MTPN: variants seen among roughly 807,000 people sequenced by gnomAD.
The protein encoded by MTPN is granule cell differentiation protein.
Under a neutral mutation model 13.5 loss-of-function variants are expected in MTPN, and 2 were observed. The ratio of observed to expected loss-of-function variants is 0.15; its 90% CI spans 0.06 to 0.47. MTPN has a LOEUF of 0.47. Ranked by LOEUF, MTPN falls within the 20% of genes least tolerant of loss-of-function variation. MTPN has a pLI of 0.97. For synonymous variants in MTPN, 46 were observed against 51.7 expected (o/e 0.89, Z 0.48); for missense variants, 79 against 137.9 (o/e 0.57, Z 2.14).
At position 135,971,012 on chromosome 7, in the gene MTPN, T is replaced by C. The variant is rs137977774; in HGVS notation, c.72+6017A>G. ...AAGTAGATTGAATCAGGACCTCTTT[T>C]AAATTGGCTATTTTATTAGGAAAGT... On this transcript the variant is annotated intron_variant, in intron 1 of 3. Coordinates refer to ENST00000393085, the MANE Select transcript of MTPN (RefSeq NM_145808.4). Among the ~76,000 whole-genome samples, 70 of 152,332 alleles carry C rather than the reference T, an allele frequency of 4.6e-4. No individual in the cohort carries two copies. The East Asian group carries it at 0.013, about 27-fold the overall frequency.
chr7:135,960,070 C>T (rs1414349889), intron 1 of MTPN, among the ~76,000 whole-genome samples: 1 of 152,028 alleles, frequency 6.6e-6, no homozygotes, highest in African/African-American at 2.4e-5. Context: ...GTTTTGGGAA[C>T]TGTGGCAAGC....
chr7:135,955,948 T>C (rs771518090), intron 1 of MTPN, among the ~76,000 whole-genome samples: 3 of 152,170 alleles, frequency 2.0e-5, no homozygotes, highest in Non-Finnish European at 4.4e-5. Context: ...TCATACTTAA[T>C]TGGTGAAAGA....
intron 2 of MTPN, 90 bp from the exon 3 acceptor site, chr7:135,950,772 T>TA: frequency 5.0e-6 from 5 of 1,002,050 alleles, no homozygotes; most frequent in African/African-American, 1.6e-5. Context: ...TAGATTTACC[T>TA]ATTTGCCTTT....
At chr7:135,931,373 G>A (rs571567748) in intron 3 of MTPN, among the ~76,000 whole-genome samples, 3 of 152,264 alleles carry the variant, frequency 2.0e-5, no homozygotes, top group South Asian at 2.1e-4. Flanking sequence ...CCGGGATGAG[G>A]TAAAATGCCT....
At chr7:135,943,510 G>GT (rs1304597896) in intron 3 of MTPN, among the ~76,000 whole-genome samples, 8 of 152,124 alleles carry the variant, frequency 5.3e-5, no homozygotes, top group African/African-American at 1.9e-4. Flanking sequence ...AGACAAGATG[G>GT]TTTTTTCTAT....
In MTPN at chr7:135,928,856, G is replaced by C. The variant is rs1165336774; in HGVS notation, c.*1070C>G. ...CCTATCAACAACTCTGGGAAACCTGGTTACAAGTGTATTTTTGAAGGGATG... is the reference window on the plus strand; with the variant it reads ...CCTATCAACAACTCTGGGAAACCTGCTTACAAGTGTATTTTTGAAGGGATG... On this transcript the variant is annotated 3_prime_UTR_variant, in exon 4 of 4. Transcript: ENST00000393085. 1.2e-5 allele frequency: 2 copies of C among 167,038 alleles called. No individual in the cohort carries two copies. Among genetic ancestry groups the C allele is most frequent in the East Asian group, 3.8e-4 (2 of 5,198 alleles). The allele number at this position is 167,038 out of a possible 1,614,324, so 10.3% of individuals were successfully genotyped here. A position where few individuals can be genotyped will look rare whatever the true frequency, so the allele number is the denominator to read the frequency against.
chr7:135,930,444 T>G (rs1228234601), intron 3 of MTPN, among the ~76,000 whole-genome samples: 4 of 152,210 alleles, frequency 2.6e-5, no homozygotes, highest in Admixed American at 2.6e-4. Context: ...CATTCAGTAT[T>G]ATATACATCA....
chr7:135,975,580 TAATC>T (rs1237543569), intron 1 of MTPN, among the ~76,000 whole-genome samples: 1 of 152,220 alleles, frequency 6.6e-6, no homozygotes, highest in Non-Finnish European at 1.5e-5. Flanking sequence ...AGTTAGTACT[TAATC>T]AACTTTTTGT....
At chr7:135,963,296 C>G (rs1799552488) in intron 1 of MTPN, among the ~76,000 whole-genome samples, 1 of 151,960 alleles carries the variant, frequency 6.6e-6, no homozygotes, top group Non-Finnish European at 1.5e-5. Flanking sequence ...TACTCTCTCT[C>G]TGTCCTCCTC....
intron 1 of MTPN, among the ~76,000 whole-genome samples, chr7:135,973,461 C>T (rs1799726421): frequency 6.6e-6 from 1 of 150,484 alleles, no homozygotes; most frequent in Non-Finnish European, 1.5e-5. Context: ...AAAATGGAGA[C>T]ACAATAGGAA....
intron 1 of MTPN, among the ~76,000 whole-genome samples, chr7:135,974,980 T>C (rs947944332): frequency 5.3e-5 from 8 of 152,246 alleles, no homozygotes; most frequent in African/African-American, 1.9e-4. Context: ...TAAAGCTCAA[T>C]GCTCTGTACA....
intron 1 of MTPN, among the ~76,000 whole-genome samples, chr7:135,973,905 T>G (rs1799733281): frequency 6.6e-6 from 1 of 152,160 alleles, no homozygotes; most frequent in African/African-American, 2.4e-5. Flanking sequence ...TAAAAATGAA[T>G]GAATTAACTA....
At position 135,928,872 on chromosome 7, in the gene MTPN, T is replaced by C. The variant is rs144474092; in HGVS notation, c.*1054A>G. On this transcript the variant is annotated 3_prime_UTR_variant, in exon 4 of 4. Transcript: ENST00000393085. ...GGAAACCTGGTTACAAGTGTATTTT[T>C]GAAGGGATGGGGCTAAATTTGTCCA... 3.6e-5 allele frequency: 6 copies of C among 167,212 alleles called. No individual in the cohort carries two copies. Among genetic ancestry groups the C allele is most frequent in the African/African-American group, 9.6e-5 (4 of 41,576 alleles). The allele number at this position is 167,212 out of a possible 1,614,324, so 10.4% of individuals were successfully genotyped here.
intron 1 of MTPN, among the ~76,000 whole-genome samples, chr7:135,955,316 A>G (rs1225364485): frequency 6.6e-6 from 1 of 152,212 alleles, no homozygotes; most frequent in Non-Finnish European, 1.5e-5. Flanking sequence ...AAAGAAACAG[A>G]AAACAGAAAA....
rs372913991 is a variant in MTPN, at chr7:135,959,654, T to A, written c.73-8024A>T. On this transcript the variant is annotated intron_variant, in intron 1 of 3. Coordinates refer to ENST00000393085, the MANE Select transcript of MTPN (RefSeq NM_145808.4). ...AATATTAAATAGAACATGTCTTACA[T>A]CTAATTTCTGAAAGCAATGTTATTG... 1.1e-4 allele frequency among the ~76,000 whole-genome samples: 16 copies of A among 152,262 alleles called. No homozygotes were observed. In the South Asian group the frequency reaches 2.9e-3, roughly 28 times the overall value.
intron 3 of MTPN, among the ~76,000 whole-genome samples, chr7:135,933,736 C>T (rs1162891454): frequency 1.3e-5 from 2 of 152,142 alleles, no homozygotes; most frequent in Non-Finnish European, 2.9e-5. Context: ...TTTCCCCAGT[C>T]CCACAAACTA....
intron 1 of MTPN, among the ~76,000 whole-genome samples, chr7:135,972,010 T>A (rs967441827): frequency 3.3e-5 from 5 of 152,226 alleles, no homozygotes; most frequent in African/African-American, 1.2e-4. Context: ...CAGAGATGTT[T>A]GTCTCTATAC....
intron 1 of MTPN, among the ~76,000 whole-genome samples, chr7:135,974,260 A>C (rs771073239): frequency 6.6e-6 from 1 of 152,136 alleles, no homozygotes; most frequent in Non-Finnish European, 1.5e-5. Flanking sequence ...ACGGGTTCAC[A>C]CCTGTGAACC....
At chr7:135,957,535 G>A (rs1285415860) in intron 1 of MTPN, among the ~76,000 whole-genome samples, 1 of 152,084 alleles carries the variant, frequency 6.6e-6, no homozygotes, top group East Asian at 1.9e-4. Context: ...TGCATGACCA[G>A]TTTACATCAA....
Sources: gnomAD v4.1 joint callset for allele counts (sites outside exome capture counted in the v4.1 genomes callset) on GRCh38, gnomAD v4.1.1 for gene constraint, MANE v1.5 for transcripts, NCBI Gene and HGNC (gene_info 2026-07-23, HGNC 2026-07-21) for gene names.